VLDLR: variants seen among roughly 807,000 people sequenced by gnomAD.
VLDLR encodes very low density lipoprotein receptor.
VLDLR carries 81 observed loss-of-function variants against 112.7 expected under a neutral mutation model. That is an observed-to-expected ratio of 0.72 (90% CI 0.60 to 0.86). The LOEUF is 0.86. Ranked by LOEUF, VLDLR falls within the 40% of genes least tolerant of loss-of-function variation. VLDLR has a pLI of 0.00. For synonymous variants in VLDLR, 436 were observed against 384.8 expected (o/e 1.13, Z -1.56); for missense variants, 1,237 against 1,099.4 (o/e 1.13, Z -1.77).
rs761568886 is a variant in VLDLR, at chr9:2,635,478, C to G, written c.108C>G (p.Ser36=). ...GTGRKAKCEP[S]QFQCTNGRCI... is the part of the protein sequence containing the mutation. ...GGAGAAAAGCCAAATGTGAACCCTC[C>G]CAATTCCAGTGCACAAATGGTCGCT... is the stretch of plus-strand genomic sequence containing the variant. The change falls in exon 2 of 19, where the codon TCC becomes TCG. Residue 36 remains serine, a synonymous_variant. Transcript: ENST00000382100. 6.2e-7 allele frequency: 1 copy of G among 1,614,064 alleles called. No individual in the cohort carries two copies. Among genetic ancestry groups the G allele is most frequent in the East Asian group, 2.2e-5 (1 of 44,876 alleles).
At chr9:2,645,842 C>T in intron 10 of VLDLR, 97 bp downstream of exon 10, 2 of 1,419,754 alleles carry the variant, frequency 1.4e-6, no homozygotes, top group Admixed American at 3.4e-5. Context: ...TTGTGTCTAG[C>T]CCCATCTAGC....
At chr9:2,627,870 A>C (rs906106991) in intron 1 of VLDLR, among the ~76,000 whole-genome samples, 1 of 151,902 alleles carries the variant, frequency 6.6e-6, no homozygotes, top group Non-Finnish European at 1.5e-5. Flanking sequence ...ATCTCAAAAA[A>C]AAAAAAAAAA....
In VLDLR at chr9:2,622,226, C is replaced by T. The variant is rs1330403068; in HGVS notation, c.37C>T (p.Leu13Phe). ...CGCGCTCTGGGCGCTCTGGCTGCTG[C>T]TCGCGCTGTGCTGGGCGCCCCGGGA... ...TSALWALWLLLALCWAPRESG... is the reference protein window; with the variant it reads ...TSALWALWLLFALCWAPRESG... Residue 13 changes from leucine (L) to phenylalanine (F), a missense_variant, in exon 1 of 19, where the codon CTC (leucine) becomes TTC (phenylalanine). Physicochemically the swap from Leu to Phe is conservative, Grantham distance 22 (BLOSUM62 0). Coordinates refer to ENST00000382100, the MANE Select transcript of VLDLR (RefSeq NM_003383.5). The T allele has an allele frequency of 6.6e-7, 1 of 1,506,566 alleles. No homozygotes were observed. Among genetic ancestry groups the T allele is most frequent in the Non-Finnish European group, 8.8e-7 (1 of 1,134,518 alleles). 93.3% of individuals were successfully genotyped at this position (1,506,566 alleles called of 1,614,324 possible).
chr9:2,640,100 T>A, intron 3 of VLDLR, 119 bp downstream of exon 3: 1 of 1,523,284 alleles, frequency 6.6e-7, no homozygotes, highest in East Asian at 2.3e-5. Flanking sequence ...AAAGTTTAGG[T>A]CAATTGACTC....
chr9:2,624,216 C>G (rs1335695328), intron 1 of VLDLR, among the ~76,000 whole-genome samples: 2 of 152,148 alleles, frequency 1.3e-5, no homozygotes, highest in African/African-American at 2.4e-5. Context: ...AATGGAAAAA[C>G]AAATTCTTCA....
At chr9:2,622,304 G>A in intron 1 of VLDLR, 33 bp downstream of exon 1, 1 of 1,441,596 alleles carries the variant, frequency 6.9e-7, no homozygotes, top group Non-Finnish European at 9.1e-7. Flanking sequence ...GCCGGCGGGC[G>A]GGACCCAGCC....
In VLDLR at chr9:2,644,817, G is replaced by T; in HGVS notation, c.1150G>T (p.Ala384Ser). The T allele has an allele frequency of 6.2e-7, 1 of 1,614,204 alleles. No homozygotes were observed. Among genetic ancestry groups the T allele is most frequent in the Non-Finnish European group, 8.5e-7 (1 of 1,180,034 alleles). Residue 384 changes from alanine to serine, a missense_variant, in exon 8 of 19, where the codon GCT (alanine) becomes TCT (serine). Physicochemically the swap from Ala to Ser is moderately conservative, Grantham distance 99 (BLOSUM62 1). Coordinates refer to ENST00000382100, the MANE Select transcript of VLDLR (RefSeq NM_003383.5). ...LVIGYECDCA[A>S]GFELIDRKTC... ...TATAGGCTACGAGTGTGACTGTGCA[G>T]CTGGGTTTGAACTGATAGATAGGAA...
chr9:2,649,652 A>G (rs1278615290), intron 14 of VLDLR, among the ~76,000 whole-genome samples: 1 of 152,162 alleles, frequency 6.6e-6, no homozygotes, highest in Non-Finnish European at 1.5e-5. Flanking sequence ...TCGGCCTCCT[A>G]AAGTGCCGGA....
Position 2,648,211 on chromosome 9 carries a change from T to G in VLDLR, c.1826T>G (p.Leu609Arg). 1.9e-6 allele frequency: 3 copies of G among 1,614,156 alleles called. No homozygotes were observed. Among genetic ancestry groups the G allele is most frequent in the Non-Finnish European group, 1.7e-6 (2 of 1,180,010 alleles). Residue 609 changes from leucine to arginine, a missense_variant, in exon 13 of 19, where the codon CTT becomes CGT. Coordinates refer to ENST00000382100, the MANE Select transcript of VLDLR (RefSeq NM_003383.5). ...TGACAATTCTTTTCCTACCTAGACCTTATAAAAAGTCGCCTCTATTGGCTT... is the reference window on the plus strand; with the variant it reads ...TGACAATTCTTTTCCTACCTAGACCGTATAAAAAGTCGCCTCTATTGGCTT... ...IQWPNGITLD[L>R]IKSRLYWLDS...
rs1563771404 is a variant in VLDLR at position 2,654,951 on chromosome 9, G to T, written c.*1083G>T. 3 of 152,174 alleles carry T rather than the reference G, an allele frequency of 2.0e-5. No homozygotes were observed. Among genetic ancestry groups the T allele is most frequent in the African/African-American group, 2.4e-5 (1 of 41,442 alleles). 9.4% of individuals were successfully genotyped at this position (152,174 alleles called of 1,614,324 possible). A position where few individuals can be genotyped will look rare whatever the true frequency, so the allele number is the denominator to read the frequency against. On this transcript the variant is annotated 3_prime_UTR_variant, in exon 19 of 19. Coordinates refer to ENST00000382100, the MANE Select transcript of VLDLR (RefSeq NM_003383.5). The stretch of plus-strand genomic sequence containing the variant: ...GAGGATAGCAAGCAATGGCATTCTT[G>T]AACAGTCTAAGGCAGGTTTCTCAGT...
chr9:2,640,722 AAATC>A (rs1817786418), intron 3 of VLDLR, among the ~76,000 whole-genome samples: 1 of 152,246 alleles, frequency 6.6e-6, no homozygotes, highest in Non-Finnish European at 1.5e-5. Flanking sequence ...TTATGAAAGA[AAATC>A]AAATAGAAAG....
intron 12 of VLDLR, 146 bp downstream of exon 12, chr9:2,647,738 AC>A: frequency 1.3e-6 from 1 of 768,336 alleles, no homozygotes; most frequent in Non-Finnish European, 2.3e-6. Context: ...TAACTGAACA[AC>A]ACAAGTAAAA....
intron 15 of VLDLR, among the ~76,000 whole-genome samples, chr9:2,650,787 C>A (rs1490821654): frequency 9.2e-5 from 14 of 152,128 alleles, no homozygotes; most frequent in African/African-American, 3.1e-4. Flanking sequence ...AGCCAACTTG[C>A]AGGTAATTAA....
chr9:2,630,526 C>T (rs1817303830), intron 1 of VLDLR, among the ~76,000 whole-genome samples: 1 of 152,160 alleles, frequency 6.6e-6, no homozygotes. Flanking sequence ...TACCCAGAGA[C>T]ACTTTCTCTA....
intron 1 of VLDLR, among the ~76,000 whole-genome samples, chr9:2,633,873 G>A (rs958140840): frequency 6.6e-6 from 1 of 152,272 alleles, no homozygotes; most frequent in South Asian, 2.1e-4. Flanking sequence ...AGAGGCACCA[G>A]GTACCTCAGA....
intron 1 of VLDLR, among the ~76,000 whole-genome samples, chr9:2,634,989 C>T (rs1477255631): frequency 1.3e-5 from 2 of 152,156 alleles, no homozygotes; most frequent in East Asian, 3.9e-4. Context: ...AGAAATGAGT[C>T]CACAGGCAGA....
intron 1 of VLDLR, among the ~76,000 whole-genome samples, chr9:2,630,608 C>T (rs779893947): frequency 2.6e-5 from 4 of 152,108 alleles, no homozygotes; most frequent in African/African-American, 7.2e-5. Flanking sequence ...ATTTGTAGTC[C>T]GTTTGGAAGG....
At chr9:2,652,691 A>C in intron 17 of VLDLR, 89 bp from the exon 18 acceptor site, 1 of 1,552,682 alleles carries the variant, frequency 6.4e-7, no homozygotes, top group Non-Finnish European at 8.9e-7. Context: ...TACTAATGTC[A>C]ATTATTATGG....
intron 15 of VLDLR, 47 bp from the exon 16 acceptor site, chr9:2,651,368 A>G (rs756247077): frequency 6.4e-7 from 1 of 1,553,434 alleles, no homozygotes; most frequent in South Asian, 1.1e-5. Context: ...ACAGCTAGCC[A>G]TGCTGGAACC....
Sources: gnomAD v4.1 joint callset for allele counts (sites outside exome capture counted in the v4.1 genomes callset) on GRCh38, gnomAD v4.1.1 for gene constraint, MANE v1.5 for transcripts, NCBI Gene and HGNC (gene_info 2026-07-23, HGNC 2026-07-21) for gene names.